WDFY2: variants seen among roughly 807,000 people sequenced by gnomAD.
WDFY2 encodes WD repeat and FYVE domain-containing protein 2.
WDFY2 carries 36 observed loss-of-function variants against 56.4 expected under a neutral mutation model. The ratio of observed to expected loss-of-function variants is 0.64; its 90% confidence interval spans 0.49 to 0.84. The LOEUF (loss-of-function observed/expected upper bound fraction) is 0.84. Ranked by LOEUF, WDFY2 falls within the 40% of genes least tolerant of loss-of-function variation. WDFY2 has a pLI of 0.00. For synonymous variants in WDFY2, 176 were observed against 183.7 expected, an observed-to-expected ratio of 0.96 and a Z score of 0.34; for missense variants, 444 against 512.2, an observed-to-expected ratio of 0.87 and a Z score of 1.29.
At chr13:51,632,181 C>T (rs537507583) in intron 1 of WDFY2, among the ~76,000 whole-genome samples, 1 of 151,628 alleles carries the variant, frequency 6.6e-6, no homozygotes, top group East Asian at 1.9e-4. Context: ...CATTCATGTT[C>T]CTTTTTATTT....
intron 3 of WDFY2, among the ~76,000 whole-genome samples, chr13:51,679,904 A>G (rs891331115): frequency 4.0e-5 from 6 of 151,814 alleles, no homozygotes; most frequent in African/African-American, 7.3e-5. Flanking sequence ...CTATGTCTCT[A>G]TGTCTTCACA....
At chr13:51,743,145 G>A (rs950608758) in intron 7 of WDFY2, among the ~76,000 whole-genome samples, 3 of 152,230 alleles carry the variant, frequency 2.0e-5, no homozygotes, top group Non-Finnish European at 2.9e-5. Flanking sequence ...GAACTGTTAG[G>A]ATAGAGGGGA....
chr13:51,648,934 G>A (rs1391196532), intron 1 of WDFY2, among the ~76,000 whole-genome samples: 2 of 152,142 alleles, frequency 1.3e-5, no homozygotes, highest in Non-Finnish European at 2.9e-5. Context: ...ATCGCTTGAG[G>A]TCAGAGGTTC....
intron 3 of WDFY2, among the ~76,000 whole-genome samples, chr13:51,698,415 A>C (rs1187169206): frequency 1.3e-5 from 2 of 152,234 alleles, no homozygotes; most frequent in East Asian, 3.8e-4. Flanking sequence ...GATTTTAACA[A>C]ATTTTGTTTA....
intron 8 of WDFY2, among the ~76,000 whole-genome samples, chr13:51,752,033 C>T (rs917816988): frequency 9.2e-5 from 14 of 152,104 alleles, no homozygotes; most frequent in African/African-American, 3.4e-4. Context: ...TTTCCAATTA[C>T]GTTAGAATTA....
chr13:51,602,733 A>G (rs371640856), intron 1 of WDFY2, among the ~76,000 whole-genome samples: 1 of 152,226 alleles, frequency 6.6e-6, no homozygotes, highest in Non-Finnish European at 1.5e-5. Flanking sequence ...AGCTGAGCAC[A>G]TTGATAATTG....
At chr13:51,757,783 A>G (rs924175217) in intron 10 of WDFY2, among the ~76,000 whole-genome samples, 1 of 151,928 alleles carries the variant, frequency 6.6e-6, no homozygotes, top group Non-Finnish European at 1.5e-5. Flanking sequence ...TAGTTTTCCT[A>G]TTAGAATGAC....
chr13:51,631,197 G>T (rs1216125195), intron 1 of WDFY2, among the ~76,000 whole-genome samples: 1 of 151,438 alleles, frequency 6.6e-6, no homozygotes, highest in African/African-American at 2.4e-5. Context: ...TTCAAGACCA[G>T]CCTGGGCAAG....
chr13:51,665,818 A>G (rs957447436), intron 2 of WDFY2, among the ~76,000 whole-genome samples: 2 of 152,216 alleles, frequency 1.3e-5, no homozygotes, highest in African/African-American at 4.8e-5. Context: ...AGGGCAGGCA[A>G]ATGGAATTTA....
intron 1 of WDFY2, among the ~76,000 whole-genome samples, chr13:51,611,766 T>C (rs2138336440): frequency 6.6e-6 from 1 of 152,266 alleles, no homozygotes; most frequent in Non-Finnish European, 1.5e-5. Flanking sequence ...TGGCCAGTGA[T>C]AGGAGCAGGG....
chr13:51,638,545 A>AGC (rs1955096058), intron 1 of WDFY2, among the ~76,000 whole-genome samples: 1 of 152,218 alleles, frequency 6.6e-6, no homozygotes, highest in African/African-American at 2.4e-5. Flanking sequence ...GCTTCCGTGC[A>AGC]GTGTAGTCCC....
chr13:51,682,997 G>A (rs1479108728), intron 3 of WDFY2, among the ~76,000 whole-genome samples: 1 of 152,106 alleles, frequency 6.6e-6, no homozygotes, highest in Non-Finnish European at 1.5e-5. Flanking sequence ...CTTCTGACAT[G>A]GACACTCTTT....
intron 1 of WDFY2, chr13:51,586,094 C>T: frequency 2.5e-6 from 1 of 398,492 alleles, no homozygotes; most frequent in Non-Finnish European, 4.4e-6. Context: ...AAATTCATGG[C>T]TGAAATGGAG....
At chr13:51,743,789 C>A (rs544766290) in intron 7 of WDFY2, among the ~76,000 whole-genome samples, 3 of 152,256 alleles carry the variant, frequency 2.0e-5, no homozygotes, top group African/African-American at 7.2e-5. Flanking sequence ...AAGTGGGAGG[C>A]CTCAGTGCGG....
chr13:51,713,894 A>G (rs1952284088), intron 4 of WDFY2, among the ~76,000 whole-genome samples: 1 of 151,630 alleles, frequency 6.6e-6, no homozygotes, highest in Admixed American at 6.6e-5. Context: ...TTCCCCTTAT[A>G]TATGAGATAC....
chr13:51,610,367 G>A (rs1050352558), intron 1 of WDFY2, among the ~76,000 whole-genome samples: 1 of 151,654 alleles, frequency 6.6e-6, no homozygotes, highest in Non-Finnish European at 1.5e-5. Context: ...TAAAGGAATA[G>A]TAATGAGTAT....
At chr13:51,700,987 T>C (rs1006752338) in intron 3 of WDFY2, among the ~76,000 whole-genome samples, 1 of 152,136 alleles carries the variant, frequency 6.6e-6, no homozygotes, top group African/African-American at 2.4e-5. Context: ...AATGTTATAC[T>C]ACATCCTATA....
At chr13:51,589,891 A>T (rs1415246131) in intron 1 of WDFY2, 2 of 152,184 alleles carry the variant, frequency 1.3e-5, no homozygotes, top group Non-Finnish European at 2.9e-5. Flanking sequence ...GGAAAATTAG[A>T]CCTTTACTCC....
intron 6 of WDFY2, among the ~76,000 whole-genome samples, chr13:51,735,274 T>C (rs1214823799): frequency 6.6e-6 from 1 of 152,222 alleles, no homozygotes; most frequent in Non-Finnish European, 1.5e-5. Context: ...AGTAAACATC[T>C]ACTGAGCACC....
Sources: gnomAD v4.1 joint callset for allele counts (sites outside exome capture counted in the v4.1 genomes callset) on GRCh38, gnomAD v4.1.1 for gene constraint, MANE v1.5 for transcripts, NCBI Gene and HGNC (gene_info 2026-07-23, HGNC 2026-07-21) for gene names.